Variants in LRRTM3 observed in about 807,000 individuals in gnomAD.
The protein encoded by LRRTM3 is leucine rich repeat transmembrane neuronal 3, also known as leucine-rich repeat transmembrane neuronal protein 3.
A neutral mutation model predicts 44.7 loss-of-function variants in LRRTM3; 24 were observed. The observed-to-expected ratio is 0.54, with a 90% CI of 0.39 to 0.76. The LOEUF (loss-of-function observed/expected upper bound fraction) is 0.76. Among genes scored for constraint, LRRTM3 ranks in the 30% least tolerant of loss-of-function variants. The pLI, the probability that LRRTM3 is intolerant of heterozygous loss-of-function variation, is 0.00. For missense variants in LRRTM3, 587 were observed against 702.2 expected, an observed-to-expected ratio of 0.84 and a Z score of 1.85; for synonymous variants, 277 against 278.7, an observed-to-expected ratio of 0.99 and a Z score of 0.06.
At chr10:66,930,678 G>A (rs868266907) in intron 2 of LRRTM3, among the ~76,000 whole-genome samples, 2 of 152,080 alleles carry the variant, frequency 1.3e-5, no homozygotes, top group African/African-American at 4.8e-5. Context: ...AAATATGCTT[G>A]CTGTATTGAA....
At chr10:67,062,465 G>A (rs1023076139) in intron 2 of LRRTM3, among the ~76,000 whole-genome samples, 2 of 152,052 alleles carry the variant, frequency 1.3e-5, no homozygotes, top group Non-Finnish European at 2.9e-5. Flanking sequence ...TAAAAATTAA[G>A]TACATTCATT....
chr10:66,943,880 A>G (rs1848149955), intron 2 of LRRTM3, among the ~76,000 whole-genome samples: 1 of 152,220 alleles, frequency 6.6e-6, no homozygotes, highest in Non-Finnish European at 1.5e-5. Flanking sequence ...CAATGTGCTT[A>G]TAATTTAAAA....
rs368300137 is a variant in LRRTM3 at position 66,979,611 on chromosome 10, C to T, written c.1536+51159C>T. 6.8e-4 allele frequency among the ~76,000 whole-genome samples: 104 copies of T among 152,162 alleles called. 1 individual carries two copies. Among genetic ancestry groups the T allele is most frequent in the Middle Eastern group, 3.4e-3 (1 of 294 alleles). On this transcript the variant is annotated intron_variant, in intron 2 of 2. Coordinates refer to ENST00000361320, the MANE Select transcript of LRRTM3 (RefSeq NM_178011.5). Reference sequence around the variant, plus strand: ...TGTTAACCATTCTATCCCTCAATTGCCACATCAGTAAAATGGGGAGTATAA... The same window carrying T: ...TGTTAACCATTCTATCCCTCAATTGTCACATCAGTAAAATGGGGAGTATAA...
intron 2 of LRRTM3, among the ~76,000 whole-genome samples, chr10:67,074,099 C>A: frequency 7.0e-6 from 1 of 142,246 alleles, no homozygotes; most frequent in Non-Finnish European, 1.5e-5. Context: ...GCAGTGGCGC[C>A]ATCTTGGCTC....
intron 2 of LRRTM3, among the ~76,000 whole-genome samples, chr10:67,077,828 G>A (rs1856814135): frequency 6.6e-6 from 1 of 152,010 alleles, no homozygotes. Context: ...AATTAATAAA[G>A]AGAGAAAATT....
At chr10:66,979,325 T>C (rs545565843) in intron 2 of LRRTM3, among the ~76,000 whole-genome samples, 3 of 152,296 alleles carry the variant, frequency 2.0e-5, no homozygotes, top group South Asian at 2.1e-4. Context: ...GAGATAAGCA[T>C]ACATGTATTT....
chr10:66,961,069 T>C (rs1461216883), intron 2 of LRRTM3, among the ~76,000 whole-genome samples: 2 of 152,230 alleles, frequency 1.3e-5, no homozygotes, highest in African/African-American at 4.8e-5. Flanking sequence ...AGTGATACAG[T>C]AATAGATATG....
intron 2 of LRRTM3, among the ~76,000 whole-genome samples, chr10:67,032,447 A>T (rs2133114112): frequency 6.6e-6 from 1 of 152,266 alleles, no homozygotes; most frequent in South Asian, 2.1e-4. Flanking sequence ...GTTTTACAAA[A>T]TTTAAGAGGA....
At chr10:67,064,461 A>C (rs1855952030) in intron 2 of LRRTM3, among the ~76,000 whole-genome samples, 1 of 152,204 alleles carries the variant, frequency 6.6e-6, no homozygotes, top group Non-Finnish European at 1.5e-5. Context: ...TTATAAAAAG[A>C]ATTAAAGGAT....
intron 2 of LRRTM3, among the ~76,000 whole-genome samples, chr10:66,950,664 T>A (rs1848492765): frequency 6.6e-6 from 1 of 152,160 alleles, no homozygotes; most frequent in South Asian, 2.1e-4. Flanking sequence ...ATTAGAAATA[T>A]AAAAGCATCA....
chr10:67,079,636 T>G (rs1301893797), intron 2 of LRRTM3, among the ~76,000 whole-genome samples: 1 of 151,948 alleles, frequency 6.6e-6, no homozygotes. Context: ...GATCACAAGG[T>G]CAGGAGTTCA....
intron 2 of LRRTM3, among the ~76,000 whole-genome samples, chr10:66,979,523 C>A (rs1328737490): frequency 6.6e-6 from 1 of 152,082 alleles, no homozygotes; most frequent in Non-Finnish European, 1.5e-5. Context: ...CAGACTCAGG[C>A]ACTAACTTGG....
chr10:67,052,343 TCTCTC>T (rs1564857018), intron 2 of LRRTM3, among the ~76,000 whole-genome samples: 61 of 135,664 alleles, frequency 4.5e-4, no homozygotes, highest in South Asian at 6.3e-4. Context: ...TCTCTCTCTC[TCTCTC>T]TCTCTCATTA....
chr10:67,062,763 T>G (rs1855833201), intron 2 of LRRTM3, among the ~76,000 whole-genome samples: 1 of 152,162 alleles, frequency 6.6e-6, no homozygotes, highest in South Asian at 2.1e-4. Flanking sequence ...CAAATTTGAT[T>G]CTGCTAATGA....
intron 2 of LRRTM3, among the ~76,000 whole-genome samples, chr10:67,092,886 A>T (rs778366656): frequency 6.6e-5 from 10 of 152,016 alleles, no homozygotes; most frequent in Non-Finnish European, 1.3e-4. Flanking sequence ...TCCTAAGGGA[A>T]TTTCCTAAAT....
At chr10:67,095,726 A>G (rs190825050) in intron 2 of LRRTM3, among the ~76,000 whole-genome samples, 1 of 151,962 alleles carries the variant, frequency 6.6e-6, no homozygotes, top group Non-Finnish European at 1.5e-5. Context: ...ACAAGTATAT[A>G]AAATCCTACA....
intron 2 of LRRTM3, among the ~76,000 whole-genome samples, chr10:66,942,028 G>A (rs954908105): frequency 6.6e-6 from 1 of 152,124 alleles, no homozygotes; most frequent in Admixed American, 6.6e-5. Flanking sequence ...TGCAGTTTTG[G>A]TTAGCCTGGT....
Position 67,097,633 on chromosome 10 carries a change from C to T in LRRTM3, c.1583C>T (p.Pro528Leu), listed in dbSNP as rs1858088722. The T allele has an allele frequency of 6.2e-7, 1 of 1,612,574 alleles. No individual in the cohort carries two copies. Among genetic ancestry groups the T allele is most frequent in the Non-Finnish European group, 8.5e-7 (1 of 1,178,954 alleles). ...NVSTFLAYDQPTISYCGVHHE... is the reference protein window; with the variant it reads ...NVSTFLAYDQLTISYCGVHHE... ...TCAACCTTTCTGGCATACGACCAGC[C>T]CACAATAAGTTACTGTGGGGTGCAT... The change falls in exon 3 of 3, where the codon CCC becomes CTC. Residue 528 changes from proline (P) to leucine (L), a missense_variant. This residue lies in a region of LRRTM3 where 315 missense variants were observed against 335.6 expected (regional missense o/e 0.94). Transcript: ENST00000361320.
In LRRTM3 at chr10:66,927,291, T is replaced by C. The variant is rs1462558592; in HGVS notation, c.375T>C (p.Leu125=). The C allele has an allele frequency of 6.2e-7, 1 of 1,614,042 alleles. No homozygotes were observed. Among genetic ancestry groups the C allele is most frequent in the Admixed American group, 1.7e-5 (1 of 60,002 alleles). Residue 125 remains leucine (L), a synonymous_variant, in exon 2 of 3, where the codon CTT becomes CTC. Coordinates refer to ENST00000361320, the MANE Select transcript of LRRTM3 (RefSeq NM_178011.5). The surrounding 1 kb of genome is among the most constrained non-coding windows in gnomAD (Gnocchi z 4.7). The stretch of plus-strand genomic sequence containing the variant: ...GTTCCAATAGAATCTCCTATTTTCT[T>C]AACAATACCTTCAGACCTGTGACAA... The part of the protein sequence containing the change: ...ILSSNRISYF[L]NNTFRPVTNL...
Sources: allele counts gnomAD v4.1 joint callset (sites outside exome capture counted in the v4.1 genomes callset), GRCh38; gene constraint gnomAD v4.1.1; regional missense constraint gnomAD v4.1.1; non-coding constraint Gnocchi (gnomAD v3.1); transcripts MANE v1.5; gene names NCBI Gene and HGNC (gene_info 2026-07-23, HGNC 2026-07-21).